Variants in CDH13 observed in about 807,000 individuals in gnomAD.
The protein encoded by CDH13 is cadherin 13, also known as cadherin-13.
CDH13 carries 24 observed loss-of-function variants against 63.8 expected under a neutral mutation model. That is an observed-to-expected ratio of 0.38 (90% CI 0.27 to 0.53). The LOEUF (loss-of-function observed/expected upper bound fraction) is 0.53, where lower values mean the gene tolerates loss of function less well. CDH13 is among the 20% of genes least tolerant of loss of function. CDH13 has a pLI of 0.85. For missense variants in CDH13, 1,049 were observed against 903.1 expected, an observed-to-expected ratio of 1.16 and a Z score of -2.07; for synonymous variants, 503 against 355.3, an observed-to-expected ratio of 1.42 and a Z score of -4.67.
intron 3 of CDH13, among the ~76,000 whole-genome samples, chr16:83,046,816 A>G (rs1917830024): frequency 6.6e-6 from 1 of 152,088 alleles, no homozygotes; most frequent in African/African-American, 2.4e-5. Flanking sequence ...CTTCCTCTCC[A>G]ACCTTGTTAC....
At position 83,333,468 on chromosome 16, in the gene CDH13, C is replaced by T. The variant is rs58150191; in HGVS notation, c.637-11394C>T. On this transcript the variant is annotated intron_variant, in intron 5 of 13. Transcript: ENST00000567109. The stretch of plus-strand genomic sequence containing the variant: ...AGCCTCCCCCTGCTCTTCTGGGAGA[C>T]TGTCAGGGTGCTGCTCTTTGGACTA... 7.3e-4 allele frequency among the ~76,000 whole-genome samples: 111 copies of T among 152,226 alleles called. 1 individual carries two copies. The East Asian group carries it at 0.019, about 27-fold the overall frequency.
chr16:83,045,245 C>T (rs552331801), intron 3 of CDH13, among the ~76,000 whole-genome samples: 3 of 152,082 alleles, frequency 2.0e-5, no homozygotes, highest in Non-Finnish European at 2.9e-5. Context: ...TCATCATGAC[C>T]CATTAATAAA....
At chr16:83,418,935 C>G (rs1274936163) in intron 6 of CDH13, among the ~76,000 whole-genome samples, 1 of 152,092 alleles carries the variant, frequency 6.6e-6, no homozygotes, top group Non-Finnish European at 1.5e-5. Context: ...AGATGCTTCT[C>G]TTCTGATAGG....
chr16:83,616,944 G>A (rs891499424), intron 8 of CDH13, among the ~76,000 whole-genome samples: 9 of 152,218 alleles, frequency 5.9e-5, no homozygotes, highest in Middle Eastern at 3.4e-3. Context: ...CCTTCTTCCC[G>A]GAATGCCTTT....
At chr16:83,255,539 C>G (rs1313374238) in intron 5 of CDH13, among the ~76,000 whole-genome samples, 3 of 152,240 alleles carry the variant, frequency 2.0e-5, no homozygotes, top group Non-Finnish European at 4.4e-5. Flanking sequence ...GTCCCGCAGA[C>G]TTGATTACCT....
At chr16:82,851,906 C>G (rs978152913) in intron 1 of CDH13, among the ~76,000 whole-genome samples, 1 of 152,188 alleles carries the variant, frequency 6.6e-6, no homozygotes, top group Non-Finnish European at 1.5e-5. Flanking sequence ...AAATTGATCT[C>G]AATACACTGA....
At chr16:82,768,533 G>A (rs2035146491) in intron 1 of CDH13, among the ~76,000 whole-genome samples, 1 of 152,170 alleles carries the variant, frequency 6.6e-6, no homozygotes, top group Non-Finnish European at 1.5e-5. Context: ...AATCCTCATG[G>A]TATAAGGTGC....
At chr16:82,672,277 A>G (rs1344669888) in intron 1 of CDH13, among the ~76,000 whole-genome samples, 2 of 152,200 alleles carry the variant, frequency 1.3e-5, no homozygotes, top group Non-Finnish European at 1.5e-5. Flanking sequence ...TATGCACACC[A>G]TTGAGCAGTG....
At chr16:83,578,667 T>C (rs1469922955) in intron 7 of CDH13, among the ~76,000 whole-genome samples, 4 of 152,196 alleles carry the variant, frequency 2.6e-5, no homozygotes, top group Non-Finnish European at 5.9e-5. Context: ...GCCCTTGCTG[T>C]CAAGGATATG....
At chr16:82,643,230 C>G (rs762732845) in intron 1 of CDH13, among the ~76,000 whole-genome samples, 1 of 152,192 alleles carries the variant, frequency 6.6e-6, no homozygotes, top group Non-Finnish European at 1.5e-5. Flanking sequence ...CTAAATAAAA[C>G]TGGTATTGAA....
intron 6 of CDH13, among the ~76,000 whole-genome samples, chr16:83,359,586 G>A (rs1260939454): frequency 6.6e-6 from 1 of 152,142 alleles, no homozygotes; most frequent in Non-Finnish European, 1.5e-5. Flanking sequence ...CTGAATTGGT[G>A]ATAATCTTCT....
chr16:83,227,463 G>C (rs1378549002), intron 5 of CDH13, among the ~76,000 whole-genome samples: 2 of 152,176 alleles, frequency 1.3e-5, no homozygotes, highest in African/African-American at 4.8e-5. Flanking sequence ...CTGTGGAGCA[G>C]GTTGGAAGCT....
At chr16:82,978,197 A>G (rs1473006730) in intron 2 of CDH13, among the ~76,000 whole-genome samples, 1 of 152,222 alleles carries the variant, frequency 6.6e-6, no homozygotes, top group Non-Finnish European at 1.5e-5. Flanking sequence ...ATGTATTCAT[A>G]AAGACATGGT....
intron 6 of CDH13, among the ~76,000 whole-genome samples, chr16:83,472,536 C>G (rs1270212073): frequency 5.3e-5 from 8 of 152,168 alleles, no homozygotes; most frequent in Admixed American, 5.2e-4. Flanking sequence ...GGGCGGGACT[C>G]ACAACCCCAG....
chr16:83,791,051 C>G (rs1007899737), intron 13 of CDH13, among the ~76,000 whole-genome samples: 4 of 152,080 alleles, frequency 2.6e-5, no homozygotes, highest in Admixed American at 1.3e-4. Context: ...GGCACAGTGG[C>G]TCATGCCTGT....
chr16:83,217,486 G>C lies in CDH13; in HGVS notation c.625G>C (p.Ala209Pro). ...VTRTLDREVI[A>P]VYQLFVETTD... Reference sequence around the variant, plus strand: ...ACGGACCTTGGACAGAGAAGTAATCGCTGTTTATCAAGTGAGTACCCCTCT... The same window carrying C: ...ACGGACCTTGGACAGAGAAGTAATCCCTGTTTATCAAGTGAGTACCCCTCT... The change falls in exon 5 of 14, where the codon GCT becomes CCT. Residue 209 changes from alanine (A) to proline (P), a missense_variant. Coordinates refer to ENST00000567109, the MANE Select transcript of CDH13 (RefSeq NM_001257.5). 6.2e-7 allele frequency: 1 copy of C among 1,613,466 alleles called. No individual in the cohort carries two copies. Among genetic ancestry groups the C allele is most frequent in the East Asian group, 2.2e-5 (1 of 44,856 alleles).
intron 7 of CDH13, among the ~76,000 whole-genome samples, chr16:83,598,561 C>T (rs1907485676): frequency 1.3e-5 from 2 of 152,108 alleles, no homozygotes; most frequent in Admixed American, 1.3e-4. Flanking sequence ...GAGAATTGAT[C>T]ATAGTGTTAT....
chr16:83,356,596 A>G (rs1382156436), intron 6 of CDH13, among the ~76,000 whole-genome samples: 1 of 152,144 alleles, frequency 6.6e-6, no homozygotes, highest in Non-Finnish European at 1.5e-5. Flanking sequence ...CCATTTATCT[A>G]TACAAATACC....
chr16:82,993,482 TC>T (rs1406890071), intron 2 of CDH13, among the ~76,000 whole-genome samples: 1 of 152,186 alleles, frequency 6.6e-6, no homozygotes, highest in Non-Finnish European at 1.5e-5. Context: ...TAGGAACTGA[TC>T]TTTGACTTCC....
Sources: gnomAD v4.1 joint callset for allele counts (sites outside exome capture counted in the v4.1 genomes callset) on GRCh38, gnomAD v4.1.1 for gene constraint, MANE v1.5 for transcripts, NCBI Gene and HGNC (gene_info 2026-07-23, HGNC 2026-07-21) for gene names.